ATP8A1: variants seen among roughly 807,000 people sequenced by gnomAD.
The protein encoded by ATP8A1 is ATPase phospholipid transporting 8A1, also known as phospholipid-transporting ATPase IA.
A neutral mutation model predicts 177.7 loss-of-function variants in ATP8A1; 90 were observed. The ratio of observed to expected loss-of-function variants is 0.51; its 90% CI spans 0.43 to 0.60. The LOEUF is 0.60. Ranked by LOEUF, ATP8A1 falls within the 20% of genes least tolerant of loss-of-function variation. The pLI is 0.00. For synonymous variants in ATP8A1, 493 were observed against 485.9 expected (o/e 1.01, Z -0.19); for missense variants, 1,072 against 1,392.8 (o/e 0.77, Z 3.67).
intron 25 of ATP8A1, among the ~76,000 whole-genome samples, chr4:42,473,136 T>C (rs1720636694): frequency 3.3e-5 from 5 of 152,154 alleles, no homozygotes; most frequent in Admixed American, 3.3e-4. Context: ...GAGTTGGGAA[T>C]GTGCCTCCAG....
intron 9 of ATP8A1, among the ~76,000 whole-genome samples, chr4:42,583,188 C>T (rs1357885160): frequency 6.9e-6 from 1 of 145,094 alleles, no homozygotes; most frequent in Non-Finnish European, 1.5e-5. Context: ...AATTCTGACA[C>T]AGGTAAAATC....
chr4:42,579,514 T>C (rs1159775557), intron 11 of ATP8A1, among the ~76,000 whole-genome samples: 1 of 150,694 alleles, frequency 6.6e-6, no homozygotes, highest in African/African-American at 2.4e-5. Context: ...TAACCACCTA[T>C]GTTAAAAATA....
At position 42,627,098 on chromosome 4, in the gene ATP8A1, T is replaced by C. The variant is rs762499364; in HGVS notation, c.61A>G (p.Thr21Ala). 1.2e-6 allele frequency: 2 copies of C among 1,612,884 alleles called. No homozygotes were observed. Among genetic ancestry groups the C allele is most frequent in the Non-Finnish European group, 1.7e-6 (2 of 1,178,962 alleles). Residue 21 changes from threonine to alanine, a missense_variant, in exon 2 of 37, where the codon ACA becomes GCA. Coordinates refer to ENST00000381668, the MANE Select transcript of ATP8A1 (RefSeq NM_006095.2). Reference protein sequence around the residue: ...IRSRAEGYEKTDDVSEKTSLA... With the variant: ...IRSRAEGYEKADDVSEKTSLA... ...GAGGTCTTCTCTGAAACATCATCTG[T>C]CTTCTCATAACCTTAAAAAGAGATC...
At chr4:42,430,550 T>A (rs1393119236) in intron 33 of ATP8A1, among the ~76,000 whole-genome samples, 1 of 152,008 alleles carries the variant, frequency 6.6e-6, no homozygotes, top group East Asian at 1.9e-4. Flanking sequence ...TAAACTTGTG[T>A]CATGGGGGTT....
At chr4:42,457,866 TACG>T (rs1322421581) in intron 27 of ATP8A1, among the ~76,000 whole-genome samples, 1 of 152,252 alleles carries the variant, frequency 6.6e-6, no homozygotes, top group African/African-American at 2.4e-5. Flanking sequence ...CTTTATACTT[TACG>T]ACAATTTTTA....
At chr4:42,427,021 G>C (rs1714704142) in intron 33 of ATP8A1, among the ~76,000 whole-genome samples, 2 of 152,184 alleles carry the variant, frequency 1.3e-5, no homozygotes, top group Admixed American at 1.3e-4. Context: ...AGTGCAGTAA[G>C]AGAAATGAAT....
At chr4:42,639,124 C>T (rs889261545) in intron 1 of ATP8A1, among the ~76,000 whole-genome samples, 2 of 152,046 alleles carry the variant, frequency 1.3e-5, no homozygotes, top group African/African-American at 2.4e-5. Context: ...TTGTGGAAGG[C>T]CCTGACAAGG....
chr4:42,482,181 T>C (rs1431546443), intron 25 of ATP8A1, among the ~76,000 whole-genome samples: 1 of 44,672 alleles, frequency 2.2e-5, no homozygotes, highest in African/African-American at 5.0e-5. Flanking sequence ...TACATGCCTG[T>C]AATTCCAGCT....
chr4:42,611,496 A>G (rs1736370006), intron 5 of ATP8A1, among the ~76,000 whole-genome samples: 1 of 152,218 alleles, frequency 6.6e-6, no homozygotes, highest in Non-Finnish European at 1.5e-5. Context: ...CATATGCAGA[A>G]TGTATACAGA....
At chr4:42,563,649 G>A (rs1241464931) in intron 15 of ATP8A1, among the ~76,000 whole-genome samples, 1 of 152,192 alleles carries the variant, frequency 6.6e-6, no homozygotes, top group Non-Finnish European at 1.5e-5. Context: ...GCTAGGGCCA[G>A]GGTCCCCATG....
At chr4:42,467,597 T>C (rs189233395) in intron 25 of ATP8A1, among the ~76,000 whole-genome samples, 1 of 152,112 alleles carries the variant, frequency 6.6e-6, no homozygotes, top group East Asian at 1.9e-4. Context: ...GGAAGCTGAG[T>C]CAGGAGAATC....
intron 1 of ATP8A1, among the ~76,000 whole-genome samples, chr4:42,645,141 C>T (rs1740406520): frequency 6.6e-6 from 1 of 152,122 alleles, no homozygotes; most frequent in East Asian, 1.9e-4. Flanking sequence ...GTACTCTTCA[C>T]TTAGTTGTAC....
chr4:42,455,461 C>T (rs1560343186), intron 28 of ATP8A1, 42 bp from the exon 29 acceptor site: 2 of 1,613,614 alleles, frequency 1.2e-6, no homozygotes, highest in Non-Finnish European at 1.7e-6. Context: ...CAGCCAAATG[C>T]AGGGTGAACC....
intron 23 of ATP8A1, among the ~76,000 whole-genome samples, chr4:42,506,484 G>A (rs1402040651): frequency 6.6e-6 from 1 of 152,158 alleles, no homozygotes; most frequent in East Asian, 1.9e-4. Context: ...TGTTATGGTA[G>A]CCAGAACGGA....
At chr4:42,567,518 G>T (rs1379261845) in intron 15 of ATP8A1, among the ~76,000 whole-genome samples, 1 of 152,178 alleles carries the variant, frequency 6.6e-6, no homozygotes. Flanking sequence ...CAGCCTGGGT[G>T]ATAGAGTGAG....
chr4:42,586,721 C>A (rs1181732954), intron 8 of ATP8A1, among the ~76,000 whole-genome samples: 3 of 152,146 alleles, frequency 2.0e-5, no homozygotes, highest in Non-Finnish European at 4.4e-5. Context: ...AGACTATAAG[C>A]TAGTCTACAA....
At chr4:42,479,392 G>A (rs941507738) in intron 25 of ATP8A1, among the ~76,000 whole-genome samples, 4 of 152,186 alleles carry the variant, frequency 2.6e-5, no homozygotes, top group African/African-American at 9.7e-5. Context: ...TACTGAAAAG[G>A]AAGTAATCAC....
At chr4:42,599,199 G>A (rs1205229288) in intron 6 of ATP8A1, among the ~76,000 whole-genome samples, 1 of 152,064 alleles carries the variant, frequency 6.6e-6, no homozygotes, top group African/African-American at 2.4e-5. Flanking sequence ...AAGCAGCCTA[G>A]GTTATTTATT....
intron 33 of ATP8A1, among the ~76,000 whole-genome samples, chr4:42,442,383 T>C (rs886863178): frequency 1.3e-5 from 2 of 152,240 alleles, no homozygotes; most frequent in African/African-American, 2.4e-5. Flanking sequence ...ATACTTTTTT[T>C]CCTTCAGTTG....
Sources: allele counts gnomAD v4.1 joint callset (sites outside exome capture counted in the v4.1 genomes callset), GRCh38; gene constraint gnomAD v4.1.1; transcripts MANE v1.5; gene names NCBI Gene and HGNC (gene_info 2026-07-23, HGNC 2026-07-21).